The following ZNF146 variants were observed in gnomAD, a reference collection of about 807,000 sequenced individuals.
ZNF146 encodes zinc finger protein 146, also known as zinc finger protein OZF.
In ZNF146, 9 loss-of-function variants were observed where a neutral mutation model predicts 22.2. That is an observed-to-expected ratio of 0.41 (90% CI 0.24 to 0.71). ZNF146 has a LOEUF of 0.71. Among genes scored for constraint, ZNF146 ranks in the 30% least tolerant of loss-of-function variants. The probability of loss-of-function intolerance (pLI) is 0.34; values close to 1 mark genes in which losing one functional copy is unlikely to be tolerated. For missense variants in ZNF146, 194 were observed against 344.8 expected (o/e 0.56, Z 3.46); for synonymous variants, 108 against 119.2 (o/e 0.91, Z 0.61).
At chr19:36,233,793 T>C (rs1977508737) in intron 3 of ZNF146, among the ~76,000 whole-genome samples, 1 of 152,220 alleles carries the variant, frequency 6.6e-6, no homozygotes. Flanking sequence ...GAATATACAA[T>C]CCAGCTTTAC....
chr19:36,234,633 G>A (rs988376577), intron 3 of ZNF146, among the ~76,000 whole-genome samples: 15 of 152,130 alleles, frequency 9.9e-5, no homozygotes, highest in Non-Finnish European at 1.8e-4. Flanking sequence ...TCCTGACCTC[G>A]TGATCCGCCC....
intron 2 of ZNF146, among the ~76,000 whole-genome samples, chr19:36,225,871 C>G (rs1977046038): frequency 6.6e-6 from 1 of 150,952 alleles, no homozygotes; most frequent in Non-Finnish European, 1.5e-5. Context: ...AGCAGTCCTC[C>G]TGCTTCAGGC....
chr19:36,230,169 CAGGGTCAA>C (rs1333826589), intron 3 of ZNF146, among the ~76,000 whole-genome samples: 3 of 152,128 alleles, frequency 2.0e-5, no homozygotes, highest in African/African-American at 7.2e-5. Context: ...AAGTGGAATA[CAGGGTCAA>C]AGTTATGTTT....
At chr19:36,219,201 A>G (rs1976738341) in intron 2 of ZNF146, among the ~76,000 whole-genome samples, 1 of 152,180 alleles carries the variant, frequency 6.6e-6, no homozygotes, top group African/African-American at 2.4e-5. Context: ...ACTCTGGCTC[A>G]GGCTGGGTGC....
intron 2 of ZNF146, among the ~76,000 whole-genome samples, chr19:36,225,417 G>A (rs1199391185): frequency 1.3e-5 from 2 of 152,000 alleles, no homozygotes; most frequent in Admixed American, 1.3e-4. Flanking sequence ...ATCTTTTGTG[G>A]TCTATTTATA....
chr19:36,222,486 C>T (rs946135843), intron 2 of ZNF146, among the ~76,000 whole-genome samples: 1 of 152,222 alleles, frequency 6.6e-6, no homozygotes, highest in Non-Finnish European at 1.5e-5. Flanking sequence ...TAAGTACTTA[C>T]ACTCCCACAA....
rs572648616 is a variant in ZNF146, at chr19:36,221,600, T to C, written c.-855+3405T>C. ...ACCGTGCCTGGCCAAGGCACTACTT[T>C]TTAAAAAATGAATTTGATTACTATT... On this transcript the variant is annotated intron_variant, in intron 2 of 3. Coordinates refer to ENST00000443387, the MANE Select transcript of ZNF146 (RefSeq NM_007145.3). Among the ~76,000 whole-genome samples the C allele has an allele frequency of 3.9e-5, 6 of 152,292 alleles. No individual in the cohort carries two copies. In the South Asian group the frequency reaches 1.2e-3, roughly 32 times the overall value.
chr19:36,224,404 T>C (rs549912798), intron 2 of ZNF146, among the ~76,000 whole-genome samples: 2 of 152,292 alleles, frequency 1.3e-5, no homozygotes, highest in South Asian at 4.1e-4. Flanking sequence ...AAAAAGGTCT[T>C]ATGTTTACTA....
chr19:36,220,139 A>C (rs755079864), intron 2 of ZNF146, among the ~76,000 whole-genome samples: 16 of 152,188 alleles, frequency 1.1e-4, no homozygotes, highest in Non-Finnish European at 1.8e-4. Flanking sequence ...TTCTCCAAGG[A>C]GCTCTGGTTC....
rs1447315554 is a variant in ZNF146, at chr19:36,237,617, G to C, written c.*298G>C. The C allele has an allele frequency of 4.0e-6, 1 of 247,278 alleles. No individual in the cohort carries two copies. Among genetic ancestry groups the C allele is most frequent in the Non-Finnish European group, 8.4e-6 (1 of 119,704 alleles). 15.3% of individuals were successfully genotyped at this position (247,278 alleles called of 1,614,324 possible). On this transcript the variant is annotated 3_prime_UTR_variant, in exon 4 of 4. Transcript: ENST00000443387. Reference sequence around the variant, plus strand: ...TTTTTATTGCTACCACCATAGATCTGGAGATCTTCGCCAGTAACAAGAAAA... The same window carrying C: ...TTTTTATTGCTACCACCATAGATCTCGAGATCTTCGCCAGTAACAAGAAAA...
intron 3 of ZNF146, among the ~76,000 whole-genome samples, chr19:36,229,306 T>A (rs993284923): frequency 1.3e-5 from 2 of 152,234 alleles, no homozygotes; most frequent in Non-Finnish European, 2.9e-5. Flanking sequence ...CTCCTCTGCC[T>A]ACCTTTCTTC....
upstream of ZNF146, chr19:36,214,769 C>T (rs578225025): frequency 6.7e-4 from 102 of 152,804 alleles, no homozygotes; most frequent in African/African-American, 2.1e-3. Flanking sequence ...GTTCTCTTAT[C>T]TCTGAGTCGG....
Position 36,232,226 on chromosome 19 carries a change from T to G in ZNF146, c.-783+3407T>G, listed in dbSNP as rs1308412657. The stretch of plus-strand genomic sequence containing the variant: ...AAAAAAAAAAAACATACAAATTATG[T>G]GACTACAAATATGAACATATTTCTT... On this transcript the variant is annotated intron_variant, in intron 3 of 3. Transcript: ENST00000443387. 7.2e-5 allele frequency among the ~76,000 whole-genome samples: 11 copies of G among 151,764 alleles called. 1 individual carries two copies. The highest frequency in any genetic ancestry group is 7.2e-4 in the Admixed American group (11 of 15,208).
Position 36,216,478 on chromosome 19 carries a change from TA to T in ZNF146, c.-929+1291del, listed in dbSNP as rs909051358. On this transcript the variant is annotated intron_variant, in intron 1 of 3. Transcript: ENST00000443387. ...CAACATGGTGAAACCCTGTCTCTACTAAAAAAAAATAAAATAAAAAAATACA... is the reference window on the plus strand; with the variant it reads ...CAACATGGTGAAACCCTGTCTCTACTAAAAAAAATAAAATAAAAAAATACA... Among the ~76,000 whole-genome samples the T allele has an allele frequency of 1.4e-4, 21 of 150,762 alleles. No homozygotes were observed. The East Asian group carries it at 3.9e-3, about 28-fold the overall frequency.
intron 3 of ZNF146, among the ~76,000 whole-genome samples, chr19:36,235,304 A>G (rs1176143489): frequency 6.6e-6 from 1 of 152,048 alleles, no homozygotes; most frequent in East Asian, 1.9e-4. Flanking sequence ...CTATTTGGCA[A>G]TTCTTCATTA....
At chr19:36,234,852 C>G (rs1977578478) in intron 3 of ZNF146, among the ~76,000 whole-genome samples, 1 of 152,172 alleles carries the variant, frequency 6.6e-6, no homozygotes, top group Non-Finnish European at 1.5e-5. Flanking sequence ...GATAAACTTC[C>G]ATTTCATATG....
intron 2 of ZNF146, among the ~76,000 whole-genome samples, chr19:36,227,428 G>A (rs62113115): frequency 0.11 from 16,059 of 150,076 alleles, 1,103 homozygotes; most frequent in Non-Finnish European, 0.15. Flanking sequence ...CTTTTGGAGT[G>A]CAGTGGCTAT....
At chr19:36,234,964 G>A (rs192234631) in intron 3 of ZNF146, among the ~76,000 whole-genome samples, 309 of 152,122 alleles carry the variant, frequency 2.0e-3, no homozygotes, top group Non-Finnish European at 3.2e-3. Flanking sequence ...TTGAATAAGG[G>A]AATTTGTACC....
intron 2 of ZNF146, among the ~76,000 whole-genome samples, chr19:36,220,140 G>C (rs1976772041): frequency 6.6e-6 from 1 of 152,126 alleles, no homozygotes; most frequent in Non-Finnish European, 1.5e-5. Flanking sequence ...TCTCCAAGGA[G>C]CTCTGGTTCC....
Sources: allele counts gnomAD v4.1 joint callset (sites outside exome capture counted in the v4.1 genomes callset), GRCh38; gene constraint gnomAD v4.1.1; transcripts MANE v1.5; gene names NCBI Gene and HGNC (gene_info 2026-07-23, HGNC 2026-07-21).